The following WWOX variants were observed in gnomAD, a reference collection of about 807,000 sequenced individuals.
WWOX encodes WW domain-containing oxidoreductase.
In WWOX, 69 loss-of-function variants were observed where a neutral mutation model predicts 46.2. The ratio of observed to expected loss-of-function variants is 1.49; its 90% CI spans 1.23 to 1.82. The LOEUF is 1.82. Ranked by LOEUF, WWOX falls within the 40% of genes most tolerant of loss-of-function variation. WWOX has a pLI of 0.00. For missense variants in WWOX, 919 were observed against 542.6 expected, an observed-to-expected ratio of 1.69 and a Z score of -6.89; for synonymous variants, 359 against 202.6, an observed-to-expected ratio of 1.77 and a Z score of -6.56.
chr16:78,625,788 TAAAAGTAATGGCAA>T (rs2046298093), intron 8 of WWOX, among the ~76,000 whole-genome samples: 1 of 115,456 alleles, frequency 8.7e-6, no homozygotes, highest in African/African-American at 3.5e-5. Context: ...TGCCAGTACT[TAAAAGTAATGGCAA>T]AAACTGCAAA....
intron 5 of WWOX, among the ~76,000 whole-genome samples, chr16:78,365,754 T>C (rs1597107244): frequency 1.3e-5 from 2 of 152,238 alleles, no homozygotes; most frequent in Non-Finnish European, 2.9e-5. Context: ...TTTGTTCTTT[T>C]GTTTTTTGTG....
At chr16:78,317,500 G>A (rs113710723) in intron 5 of WWOX, among the ~76,000 whole-genome samples, 2,133 of 152,264 alleles carry the variant, frequency 0.014, 49 homozygotes, top group African/African-American at 0.049. Context: ...GAGAAACCAT[G>A]TACTAAGGCA....
intron 8 of WWOX, among the ~76,000 whole-genome samples, chr16:78,488,948 C>T (rs1219472386): frequency 6.6e-6 from 1 of 152,184 alleles, no homozygotes; most frequent in Non-Finnish European, 1.5e-5. Flanking sequence ...CTGATAATGG[C>T]ACTAGGCTGC....
At chr16:78,313,486 C>T (rs2080289660) in intron 5 of WWOX, among the ~76,000 whole-genome samples, 1 of 151,806 alleles carries the variant, frequency 6.6e-6, no homozygotes, top group South Asian at 2.1e-4. Context: ...CTGCCTTGGC[C>T]CCTGGAGTAG....
At chr16:78,379,142 C>G (rs1007986757) in intron 5 of WWOX, among the ~76,000 whole-genome samples, 22 of 152,156 alleles carry the variant, frequency 1.4e-4, no homozygotes, top group Admixed American at 4.6e-4. Context: ...TAAATGAAAA[C>G]AAGCATGTCA....
chr16:78,944,067 C>T lies in WWOX; in HGVS notation c.1057-267541C>T, dbSNP rs375212715. Reference sequence around the variant, plus strand: ...CACAAAATCAAGGACGTATTGATTTCTGAGAATTCCTCCTGGGTTTTGTTT... The same window carrying T: ...CACAAAATCAAGGACGTATTGATTTTTGAGAATTCCTCCTGGGTTTTGTTT... On this transcript the variant is annotated intron_variant, in intron 8 of 8. Transcript: ENST00000566780. 2.5e-3 allele frequency among the ~76,000 whole-genome samples: 379 copies of T among 152,284 alleles called. 3 individuals are homozygous for T. The highest frequency in any genetic ancestry group is 8.7e-3 in the African/African-American group (360 of 41,558).
chr16:78,511,731 G>C (rs2085366362), intron 8 of WWOX, among the ~76,000 whole-genome samples: 1 of 152,290 alleles, frequency 6.6e-6, no homozygotes, highest in South Asian at 2.1e-4. Flanking sequence ...GGAGAGGCAT[G>C]AAAATTTGAT....
chr16:78,521,731 G>C (rs1355257007), intron 8 of WWOX, among the ~76,000 whole-genome samples: 3 of 151,844 alleles, frequency 2.0e-5, no homozygotes, highest in Non-Finnish European at 4.4e-5. Flanking sequence ...TTCCAAAAGA[G>C]TATCTCTCAA....
intron 8 of WWOX, among the ~76,000 whole-genome samples, chr16:78,494,789 G>T (rs1174670326): frequency 6.6e-6 from 1 of 152,144 alleles, no homozygotes; most frequent in African/African-American, 2.4e-5. Context: ...TTATGGTATG[G>T]CTTTTCCTGT....
intron 8 of WWOX, among the ~76,000 whole-genome samples, chr16:79,091,779 G>GTTTTTTTTTT (rs11329411): frequency 9.2e-6 from 1 of 109,130 alleles, no homozygotes; most frequent in African/African-American, 3.7e-5. Context: ...TCTTTTCTTT[G>GTTTTTTTTTT]TTTTTTTTTT....
chr16:78,358,946 C>G (rs2081353820), intron 5 of WWOX, among the ~76,000 whole-genome samples: 1 of 139,506 alleles, frequency 7.2e-6, no homozygotes, highest in Non-Finnish European at 1.5e-5. Context: ...TACAGTTGTA[C>G]TGACTTGACA....
intron 8 of WWOX, among the ~76,000 whole-genome samples, chr16:78,545,534 C>T (rs1211211238): frequency 6.6e-6 from 1 of 152,138 alleles, no homozygotes; most frequent in African/African-American, 2.4e-5. Flanking sequence ...CATCCTTAAA[C>T]AAGTTCAATG....
intron 8 of WWOX, chr16:78,691,174 C>A (rs533966250): frequency 1.4e-6 from 1 of 695,578 alleles, no homozygotes; most frequent in East Asian, 2.7e-5. Flanking sequence ...AGTGTTTGTG[C>A]GATAAGAGAA....
intron 8 of WWOX, among the ~76,000 whole-genome samples, chr16:78,923,210 A>G (rs577884375): frequency 6.6e-6 from 1 of 151,788 alleles, no homozygotes; most frequent in Non-Finnish European, 1.5e-5. Context: ...CAAACTCCCA[A>G]CCTCAGGTGA....
chr16:78,619,643 G>A (rs2151641941), intron 8 of WWOX, among the ~76,000 whole-genome samples: 1 of 152,146 alleles, frequency 6.6e-6, no homozygotes, highest in East Asian at 2.0e-4. Flanking sequence ...GGTGGCTCAT[G>A]TCTGTAAAGC....
rs567252343 is a variant in WWOX, at chr16:78,782,517, G to C, written c.1056+349765G>C. Among the ~76,000 whole-genome samples, 3 of 152,196 alleles carry C rather than the reference G, an allele frequency of 2.0e-5. No homozygotes were observed. The South Asian group carries it at 6.2e-4, about 32-fold the overall frequency. ...GAGGAAAAATCATCCAAACTACTTG[G>C]TAATTGAATTCAAGAGTGATGGACC... On this transcript the variant is annotated intron_variant, in intron 8 of 8. Transcript: ENST00000566780.
At chr16:78,479,818 T>C (rs531187254) in intron 8 of WWOX, among the ~76,000 whole-genome samples, 1 of 152,286 alleles carries the variant, frequency 6.6e-6, no homozygotes, top group South Asian at 2.1e-4. Context: ...AAACTATGAA[T>C]GAAAGCCAGG....
chr16:78,814,865 G>A lies in WWOX; in HGVS notation c.1056+382113G>A, dbSNP rs952110246. 5.9e-5 allele frequency among the ~76,000 whole-genome samples: 9 copies of A among 152,188 alleles called. 1 individual carries two copies. Among genetic ancestry groups the A allele is most frequent in the Non-Finnish European group, 8.8e-5 (6 of 68,044 alleles). On this transcript the variant is annotated intron_variant, in intron 8 of 8. Coordinates refer to ENST00000566780, the MANE Select transcript of WWOX (RefSeq NM_016373.4). ...CAAAACCACCCTTGGGCTCTCTCGC[G>A]TGCGGTCTGTGCACCAGCTACCTTT...
intron 8 of WWOX, among the ~76,000 whole-genome samples, chr16:78,767,482 C>CTGTGTGTGTGTG (rs3051061): frequency 6.3e-5 from 9 of 143,122 alleles, no homozygotes; most frequent in African/African-American, 2.5e-4. Flanking sequence ...GTGTGTGTGT[C>CTGTGTGTGTGTG]TGTGTGTGTG....
Sources: gnomAD v4.1 joint callset for allele counts (sites outside exome capture counted in the v4.1 genomes callset) on GRCh38, gnomAD v4.1.1 for gene constraint, MANE v1.5 for transcripts, NCBI Gene and HGNC (gene_info 2026-07-23, HGNC 2026-07-21) for gene names.